The following SLC9D1 variants were observed in gnomAD, a reference collection of about 807,000 sequenced individuals.
SLC9D1 encodes the protein solute carrier family 9 member D1, also known as putative LAG1-interacting protein.
At chr13:113,538,766 C>T in the SLC9D1 span, among the ~76,000 whole-genome samples, 155 of 152,350 alleles carry the variant, frequency 1.0e-3, no homozygotes, top group Non-Finnish European at 1.2e-3. Flanking sequence ...TCAGGTTGGC[C>T]GGTGTCAGCC....
At chr13:113,543,165 T>TCTCCCTGCCCCCCC in the SLC9D1 span, among the ~76,000 whole-genome samples, 2 of 60,846 alleles carry the variant, frequency 3.3e-5, no homozygotes, top group African/African-American at 1.6e-4. Context: ...GCCCTACCTC[T>TCTCCCTGCCCCCCC]GTCCGGACCC....
chr13:113,542,559 C>T, the SLC9D1 span, among the ~76,000 whole-genome samples: 1 of 152,226 alleles, frequency 6.6e-6, no homozygotes, highest in African/African-American at 2.4e-5. Flanking sequence ...ATGTCAGTGG[C>T]AAATTTGGAG....
chr13:113,549,447 T>C, the SLC9D1 span: 1 of 1,614,098 alleles, frequency 6.2e-7, no homozygotes, highest in Non-Finnish European at 8.5e-7. Flanking sequence ...ATACTGAGTG[T>C]GACCACGCTC....
chr13:113,515,046 A>T, the SLC9D1 span, among the ~76,000 whole-genome samples: 3 of 152,202 alleles, frequency 2.0e-5, no homozygotes, highest in African/African-American at 7.2e-5. Flanking sequence ...CTGATCTACC[A>T]TTGGCAAGAA....
the SLC9D1 span, among the ~76,000 whole-genome samples, chr13:113,494,479 C>G: frequency 6.6e-6 from 1 of 152,108 alleles, no homozygotes; most frequent in Non-Finnish European, 1.5e-5. Context: ...CGGCTACAGC[C>G]GCACTGAAAC....
the SLC9D1 span, among the ~76,000 whole-genome samples, chr13:113,549,090 A>G: frequency 2.0e-5 from 3 of 152,210 alleles, no homozygotes; most frequent in African/African-American, 7.2e-5. Context: ...GTGGCCCATC[A>G]GGACTAACCA....
chr13:113,546,916 TGGCACTCCTG>T, the SLC9D1 span, among the ~76,000 whole-genome samples: 102 of 152,320 alleles, frequency 6.7e-4, no homozygotes, highest in East Asian at 2.3e-3. The surrounding 1 kb of genome is among the most constrained non-coding windows in gnomAD (Gnocchi z 7.1). Flanking sequence ...CCTGTGAGCG[TGGCACTCCTG>T]GGCACTCCTG....
the SLC9D1 span, chr13:113,498,259 C>T: frequency 9.3e-7 from 1 of 1,078,372 alleles, no homozygotes; most frequent in African/African-American, 1.6e-5. Flanking sequence ...GGACATTTGA[C>T]AAAGCAGGAG....
chr13:113,509,067 T>C, the SLC9D1 span, among the ~76,000 whole-genome samples: 8,329 of 83,664 alleles, frequency 0.1, 374 homozygotes, highest in Middle Eastern at 0.23. Context: ...TTGGGGCTGG[T>C]GGGCTTGGCG....
the SLC9D1 span, among the ~76,000 whole-genome samples, chr13:113,524,299 T>C: frequency 6.6e-6 from 1 of 152,196 alleles, no homozygotes; most frequent in African/African-American, 2.4e-5. Flanking sequence ...TTTAGGATCA[T>C]TTTGTCTTCC....
chr13:113,502,805 G>A, the SLC9D1 span, among the ~76,000 whole-genome samples: 1 of 152,232 alleles, frequency 6.6e-6, no homozygotes, highest in South Asian at 2.1e-4. Context: ...CTCTGCTGCT[G>A]GTTGAGCCTG....
At chr13:113,523,116 C>CT in the SLC9D1 span, among the ~76,000 whole-genome samples, 1 of 127,474 alleles carries the variant, frequency 7.8e-6, no homozygotes, top group Admixed American at 8.3e-5. Context: ...GTGTAGTTCT[C>CT]TCTTTTTTTT....
the SLC9D1 span, among the ~76,000 whole-genome samples, chr13:113,543,809 G>A: frequency 1.3e-5 from 2 of 151,808 alleles, no homozygotes; most frequent in Non-Finnish European, 2.9e-5. Context: ...TGCTTGCCTT[G>A]TCTTCAAACT....
the SLC9D1 span, among the ~76,000 whole-genome samples, chr13:113,524,769 C>T: frequency 6.6e-6 from 1 of 151,796 alleles, no homozygotes; most frequent in African/African-American, 2.4e-5. Context: ...CAACTTATGC[C>T]CTTGTATTTG....
chr13:113,493,426 T>A, the SLC9D1 span, among the ~76,000 whole-genome samples: 43 of 152,238 alleles, frequency 2.8e-4, no homozygotes, highest in African/African-American at 1.0e-3. Context: ...GCTGTTGATT[T>A]ATTTAGCTCC....
the SLC9D1 span, among the ~76,000 whole-genome samples, chr13:113,502,968 G>T: frequency 6.6e-6 from 1 of 152,338 alleles, no homozygotes; most frequent in Non-Finnish European, 1.5e-5. Context: ...GCCCACGTGT[G>T]GGGGCTCCCA....
the SLC9D1 span, chr13:113,503,655 C>CAA: frequency 2.2e-6 from 2 of 912,362 alleles, no homozygotes; most frequent in Non-Finnish European, 3.5e-6. Context: ...GGTTCATACA[C>CAA]TTTTAACACT....
At chr13:113,549,263 C>T in the SLC9D1 span, among the ~76,000 whole-genome samples, 5 of 151,706 alleles carry the variant, frequency 3.3e-5, no homozygotes, top group African/African-American at 4.8e-5. Flanking sequence ...CCCACCCCCC[C>T]GTGCAGGCAT....
the SLC9D1 span, chr13:113,548,500 A>T: frequency 6.4e-7 from 1 of 1,564,916 alleles, no homozygotes; most frequent in Non-Finnish European, 8.6e-7. Context: ...CACGGGCTGC[A>T]CTCTGGGTTT....
Sources: allele counts gnomAD v4.1 joint callset (sites outside exome capture counted in the v4.1 genomes callset), GRCh38; gene constraint gnomAD v4.1.1; non-coding constraint Gnocchi (gnomAD v3.1); transcripts MANE v1.5; gene names NCBI Gene and HGNC (gene_info 2026-07-23, HGNC 2026-07-21).